BCAS3: variants seen among roughly 807,000 people sequenced by gnomAD.
BCAS3 encodes BCAS3 microtubule associated cell migration factor, also known as BCAS4/BCAS3 fusion.
Under a neutral mutation model 116.1 loss-of-function variants are expected in BCAS3, and 53 were observed. The ratio of observed to expected loss-of-function variants is 0.46; its 90% confidence interval spans 0.37 to 0.57. The LOEUF is 0.57. Among genes scored for constraint, BCAS3 ranks in the 20% least tolerant of loss-of-function variants. The pLI, the probability that BCAS3 is intolerant of heterozygous loss-of-function variation, is 0.00. For synonymous variants in BCAS3, 391 were observed against 408.2 expected (o/e 0.96, Z 0.51); for missense variants, 917 against 1,165.4 (o/e 0.79, Z 3.10).
In BCAS3 at chr17:61,197,607, T is replaced by C. The variant is rs59759196; in HGVS notation, c.2425+113043T>C. On this transcript the variant is annotated intron_variant, in intron 22 of 23. Coordinates refer to ENST00000407086, the MANE Select transcript of BCAS3 (RefSeq NM_017679.5). ...CATCTCAGATACCTCCTCTAATGAGTAGTAAAGATCAGAAAGTTAGAATGT... is the reference window on the plus strand; with the variant it reads ...CATCTCAGATACCTCCTCTAATGAGCAGTAAAGATCAGAAAGTTAGAATGT... 5.7e-3 allele frequency among the ~76,000 whole-genome samples: 862 copies of C among 152,108 alleles called. 6 individuals carry two copies. The highest frequency in any genetic ancestry group is 0.02 in the African/African-American group (829 of 41,472).
chr17:60,868,521 T>C, intron 7 of BCAS3, 55 bp from the exon 8 acceptor site: 1 of 1,057,284 alleles, frequency 9.5e-7, no homozygotes, highest in Non-Finnish European at 1.3e-6. Flanking sequence ...GTATAGAGAT[T>C]ATTGGTCTTT....
rs1209500437 is a variant in BCAS3 at position 61,037,509 on chromosome 17, C to T, written c.1763-380C>T. Among the ~76,000 whole-genome samples, 2 of 152,180 alleles carry T rather than the reference C, an allele frequency of 1.3e-5. No homozygotes were observed. The highest frequency in any genetic ancestry group is 2.9e-5 in the Non-Finnish European group (2 of 68,040). ...CCTGTCGTCTGAGCATGGTGGCTCA[C>T]GCCTTTAATCCCAGCACTTTGAGAG... is the stretch of plus-strand genomic sequence containing the variant. On this transcript the variant is annotated intron_variant, in intron 17 of 23. Transcript: ENST00000407086. This position sits in a 1 kb window ranked among gnomAD's most constrained non-coding sequence, Gnocchi z 4.7.
intron 22 of BCAS3, among the ~76,000 whole-genome samples, chr17:61,308,170 C>G (rs2053993797): frequency 7.1e-6 from 1 of 141,100 alleles, no homozygotes; most frequent in Non-Finnish European, 1.5e-5. Context: ...TGTGTGGGGA[C>G]TCCTGGTGTT....
At position 61,059,063 on chromosome 17, in the gene BCAS3, C is replaced by CTTTTTTTTTTTT. The variant is rs869090870; in HGVS notation, c.2030-15831_2030-15820dup. On this transcript the variant is annotated intron_variant, in intron 19 of 23. Transcript: ENST00000407086. ...TCCCCGAACTCTTTTTTCTCCCCAT[C>CTTTTTTTTTTTT]TTTTTTTTTTTTTTTTTTTTTTTTT... 7.4e-3 allele frequency among the ~76,000 whole-genome samples: 242 copies of CTTTTTTTTTTTT among 32,808 alleles called. 41 individuals are homozygous for CTTTTTTTTTTTT. The highest frequency in any genetic ancestry group is 9.2e-3 in the Non-Finnish European group (145 of 15,844). 21.5% of individuals were successfully genotyped at this position (32,808 alleles called of 152,430 possible).
At chr17:61,237,221 A>G (rs1048759531) in intron 22 of BCAS3, among the ~76,000 whole-genome samples, 1 of 152,170 alleles carries the variant, frequency 6.6e-6, no homozygotes, top group African/African-American at 2.4e-5. Context: ...TGTAACATGT[A>G]CCAATCAGCA....
Position 60,825,013 on chromosome 17 carries a change from A to C in BCAS3, c.476+16937A>C, listed in dbSNP as rs554938546. On this transcript the variant is annotated intron_variant, in intron 7 of 23. Coordinates refer to ENST00000407086, the MANE Select transcript of BCAS3 (RefSeq NM_017679.5). ...AAACCCTGTCTCTACAAAAAATACA[A>C]AAATGAGCTGGGTGTGGTGGCATGC... Among the ~76,000 whole-genome samples the C allele has an allele frequency of 4.6e-5, 7 of 152,212 alleles. No homozygotes were observed. In the South Asian group the frequency reaches 1.5e-3, roughly 32 times the overall value.
chr17:61,264,402 G>A (rs1215824243), intron 22 of BCAS3, among the ~76,000 whole-genome samples: 1 of 151,334 alleles, frequency 6.6e-6, no homozygotes, highest in Non-Finnish European at 1.5e-5. Flanking sequence ...AGTAACATAG[G>A]TAAGTCTTTT....
chr17:60,716,228 C>CTATT (rs1479869592), intron 5 of BCAS3, among the ~76,000 whole-genome samples: 2 of 152,012 alleles, frequency 1.3e-5, no homozygotes, highest in African/African-American at 4.8e-5. Context: ...GGGGTAAGCA[C>CTATT]AATAGATGTG....
chr17:61,114,529 C>A (rs1165764398), intron 22 of BCAS3, among the ~76,000 whole-genome samples: 1 of 151,286 alleles, frequency 6.6e-6, no homozygotes, highest in Non-Finnish European at 1.5e-5. Flanking sequence ...ATACAACTTA[C>A]AAGGGATGTG....
intron 5 of BCAS3, among the ~76,000 whole-genome samples, chr17:60,721,485 C>T (rs1180080098): frequency 1.3e-5 from 2 of 152,166 alleles, no homozygotes; most frequent in African/African-American, 4.8e-5. Flanking sequence ...AGAACTCTTG[C>T]ATCTGAAACT....
chr17:61,179,358 A>G (rs1022749263), intron 22 of BCAS3, among the ~76,000 whole-genome samples: 2 of 147,210 alleles, frequency 1.4e-5, no homozygotes, highest in Non-Finnish European at 3.0e-5. Flanking sequence ...GAAAAATTTC[A>G]TTGTCTGCAG....
intron 10 of BCAS3, among the ~76,000 whole-genome samples, chr17:60,897,135 A>C (rs2057565429): frequency 1.3e-5 from 2 of 152,186 alleles, no homozygotes; most frequent in Non-Finnish European, 2.9e-5. Flanking sequence ...GCTTGTTGGA[A>C]AAAATGTCAT....
In BCAS3 at chr17:61,204,828, G is replaced by A. The variant is rs2081034917; in HGVS notation, c.2425+120264G>A. Among the ~76,000 whole-genome samples the A allele has an allele frequency of 6.6e-6, 1 of 152,162 alleles. No individual in the cohort carries two copies. The highest frequency in any genetic ancestry group is 1.9e-4 in the East Asian group (1 of 5,194). On this transcript the variant is annotated intron_variant, in intron 22 of 23. Coordinates refer to ENST00000407086, the MANE Select transcript of BCAS3 (RefSeq NM_017679.5). The surrounding 1 kb of genome is among the most constrained non-coding windows in gnomAD (Gnocchi z 4.2). ...GCACTTTAGGAGGCTGAGGCACGCA[G>A]ATCAGTTGAGGCCAGGAGTTCGAGA...
Position 61,065,776 on chromosome 17 carries a change from T to C in BCAS3, c.2030-9144T>C, listed in dbSNP as rs1386467994. 6.6e-6 allele frequency among the ~76,000 whole-genome samples: 1 copy of C among 152,138 alleles called. No individual in the cohort carries two copies. Among genetic ancestry groups the C allele is most frequent in the African/African-American group, 2.4e-5 (1 of 41,420 alleles). On this transcript the variant is annotated intron_variant, in intron 19 of 23. Coordinates refer to ENST00000407086, the MANE Select transcript of BCAS3 (RefSeq NM_017679.5). The surrounding 1 kb of genome is among the most constrained non-coding windows in gnomAD (Gnocchi z 4.8). The stretch of plus-strand genomic sequence containing the variant: ...AAGAATTCCACTGCCCATATAAAAC[T>C]CAGCTGCCAGTAGGACCCAGTAAAC...
intron 5 of BCAS3, among the ~76,000 whole-genome samples, chr17:60,717,575 A>C (rs2038776637): frequency 6.6e-6 from 1 of 152,196 alleles, no homozygotes; most frequent in Non-Finnish European, 1.5e-5. Context: ...TTAGGAGAGC[A>C]AAGCAAAGAA....
rs1414927725 is a variant in BCAS3 at position 61,134,063 on chromosome 17, G to T, written c.2425+49499G>T. Among the ~76,000 whole-genome samples, 1 of 152,102 alleles carries T rather than the reference G, an allele frequency of 6.6e-6. No individual in the cohort carries two copies. The highest frequency in any genetic ancestry group is 1.5e-5 in the Non-Finnish European group (1 of 68,024). On this transcript the variant is annotated intron_variant, in intron 22 of 23. Coordinates refer to ENST00000407086, the MANE Select transcript of BCAS3 (RefSeq NM_017679.5). This position sits in a 1 kb window ranked among gnomAD's most constrained non-coding sequence, Gnocchi z 4.6. ...TAAATTGAGGGATGTACTAACAAAG[G>T]AGTCATATACAAAAAGGGAGGAGAG... is the stretch of plus-strand genomic sequence containing the variant.
intron 14 of BCAS3, among the ~76,000 whole-genome samples, chr17:60,979,540 G>A (rs1448617752): frequency 6.7e-6 from 1 of 148,816 alleles, no homozygotes; most frequent in Admixed American, 6.6e-5. Context: ...ATGTTGAATA[G>A]GAGTGGTGAG....
chr17:61,069,834 T>TAAAAAAAA, intron 19 of BCAS3: 1 of 606,116 alleles, frequency 1.6e-6, no homozygotes, highest in Non-Finnish European at 2.8e-6. Flanking sequence ...AGACCCTGTG[T>TAAAAAAAA]AAAAAAAAAA....
intron 12 of BCAS3, among the ~76,000 whole-genome samples, chr17:60,916,272 A>C (rs988235455): frequency 2.0e-5 from 3 of 152,234 alleles, no homozygotes. Context: ...TGTATGATAG[A>C]CAGCAGATTT....
Sources: gnomAD v4.1 joint callset for allele counts (sites outside exome capture counted in the v4.1 genomes callset) on GRCh38, gnomAD v4.1.1 for gene constraint, Gnocchi (gnomAD v3.1) non-coding constraint, MANE v1.5 for transcripts, NCBI Gene and HGNC (gene_info 2026-07-23, HGNC 2026-07-21) for gene names.